The following KIAA0930 variants were observed in gnomAD, a reference collection of about 807,000 sequenced individuals.
KIAA0930 encodes uncharacterized protein KIAA0930.
In KIAA0930, 24 loss-of-function variants were observed where a neutral mutation model predicts 43.9. That is an observed-to-expected ratio of 0.55 (90% CI 0.40 to 0.77). KIAA0930 has a LOEUF of 0.77. KIAA0930 is among the 30% of genes least tolerant of loss of function. The probability of loss-of-function intolerance (pLI) is 0.00; values close to 1 mark genes in which losing one functional copy is unlikely to be tolerated. For missense variants in KIAA0930, 461 were observed against 574.2 expected (o/e 0.80, Z 2.02); for synonymous variants, 259 against 216.4 (o/e 1.20, Z -1.73).
chr22:45,211,532 G>A (rs952185827), intron 2 of KIAA0930: 13 of 445,572 alleles, frequency 2.9e-5, no homozygotes, highest in African/African-American at 2.2e-4. Flanking sequence ...TGATGGCGAG[G>A]GCTCAGTAAG....
chr22:45,210,434 C>T (rs529465795), intron 2 of KIAA0930, among the ~76,000 whole-genome samples: 7 of 152,252 alleles, frequency 4.6e-5, no homozygotes, highest in Non-Finnish European at 8.8e-5. Flanking sequence ...CACCATCCAC[C>T]CCCCTGCCAA....
At chr22:45,234,419 A>C (rs1266881204) in intron 1 of KIAA0930, among the ~76,000 whole-genome samples, 3 of 152,250 alleles carry the variant, frequency 2.0e-5, no homozygotes, top group African/African-American at 7.2e-5. Flanking sequence ...GTCTAGTCTG[A>C]GGCTGGATCC....
intron 4 of KIAA0930, 129 bp from the exon 5 acceptor site, chr22:45,205,447 G>A (rs1163825251): frequency 3.2e-6 from 3 of 923,842 alleles, no homozygotes; most frequent in Admixed American, 4.2e-5. Context: ...ACCAGGAGAT[G>A]TGGGGGATAA....
In KIAA0930 at chr22:45,192,796, C is replaced by CCCT. The variant is rs1249670348; in HGVS notation, c.*4377_*4379dup. The CCCT allele has an allele frequency of 6.6e-6, 1 of 152,248 alleles. No homozygotes were observed. The highest frequency in any genetic ancestry group is 1.5e-5 in the Non-Finnish European group (1 of 68,072). The allele number at this position is 152,248 out of a possible 1,614,324, so 9.4% of individuals were successfully genotyped here. A position where few individuals can be genotyped will look rare whatever the true frequency, so the allele number is the denominator to read the frequency against. ...CAGCTGCCTCCACTTCTGAGGCTCCCCCTGCGGGAGGAGCTCTGAACCCAG... is the reference window on the plus strand; with the variant it reads ...CAGCTGCCTCCACTTCTGAGGCTCCCCCTCCTGCGGGAGGAGCTCTGAACCCAG... On this transcript the variant is annotated 3_prime_UTR_variant, in exon 10 of 10. Coordinates refer to ENST00000336156, the MANE Select transcript of KIAA0930 (RefSeq NM_001009880.2).
intron 1 of KIAA0930, among the ~76,000 whole-genome samples, chr22:45,225,950 A>C (rs2083797118): frequency 6.6e-6 from 1 of 152,204 alleles, no homozygotes; most frequent in Non-Finnish European, 1.5e-5. Flanking sequence ...ACCTGCCTGC[A>C]AAGCCACGCT....
At chr22:45,204,062 G>T (rs1483664082) in intron 5 of KIAA0930, 77 bp from the exon 6 acceptor site, 20 of 1,587,636 alleles carry the variant, frequency 1.3e-5, no homozygotes, top group Non-Finnish European at 1.7e-5. Flanking sequence ...CCAACTGGCA[G>T]GGAGGGCTGC....
At chr22:45,235,075 C>T (rs915586930) in intron 1 of KIAA0930, among the ~76,000 whole-genome samples, 3 of 151,976 alleles carry the variant, frequency 2.0e-5, no homozygotes, top group African/African-American at 7.3e-5. Flanking sequence ...GGCTTCTTTA[C>T]AGCAGCCTAG....
intron 1 of KIAA0930, among the ~76,000 whole-genome samples, chr22:45,239,799 A>T (rs2083906128): frequency 6.6e-6 from 1 of 152,124 alleles, no homozygotes; most frequent in African/African-American, 2.4e-5. Flanking sequence ...ACAATGTGGT[A>T]TGAAGTCATT....
chr22:45,224,567 G>A (rs536988758), intron 1 of KIAA0930, among the ~76,000 whole-genome samples: 1 of 152,334 alleles, frequency 6.6e-6, no homozygotes, highest in South Asian at 2.1e-4. Context: ...AGTTAGTTTG[G>A]TCTCATGCGG....
rs888516932 is a variant in KIAA0930 at position 45,194,554 on chromosome 22, TACAA to T, written c.*2618_*2621del. ...TTCCCAGAAAAATTAAAGATGGTCT[TACAA>T]GAAGTACAAATGTGCCAACACCAGG... On this transcript the variant is annotated 3_prime_UTR_variant, in exon 10 of 10. Coordinates refer to ENST00000336156, the MANE Select transcript of KIAA0930 (RefSeq NM_001009880.2). 6.6e-6 allele frequency: 1 copy of T among 152,178 alleles called. No homozygotes were observed. Among genetic ancestry groups the T allele is most frequent in the Non-Finnish European group, 1.5e-5 (1 of 68,046 alleles). The allele number at this position is 152,178 out of a possible 1,614,324, so 9.4% of individuals were successfully genotyped here. A position where few individuals can be genotyped will look rare whatever the true frequency, so the allele number is the denominator to read the frequency against.
At chr22:45,234,301 G>C in intron 1 of KIAA0930, among the ~76,000 whole-genome samples, 1 of 151,962 alleles carries the variant, frequency 6.6e-6, no homozygotes, top group East Asian at 1.9e-4. Context: ...GGGAAGAGGG[G>C]GCCTCTGCTT....
At chr22:45,210,289 G>A (rs1452795708) in intron 2 of KIAA0930, among the ~76,000 whole-genome samples, 1 of 152,186 alleles carries the variant, frequency 6.6e-6, no homozygotes, top group African/African-American at 2.4e-5. Context: ...GGGGTCCACA[G>A]CCCTGGGACG....
At chr22:45,215,232 T>C (rs2083724361) in intron 1 of KIAA0930, among the ~76,000 whole-genome samples, 1 of 152,150 alleles carries the variant, frequency 6.6e-6, no homozygotes, top group African/African-American at 2.4e-5. Context: ...AATTAATTAA[T>C]TTAAAAAACA....
At chr22:45,226,399 G>A (rs1246076679) in intron 1 of KIAA0930, 1 of 458,842 alleles carries the variant, frequency 2.2e-6, no homozygotes, top group African/African-American at 2.0e-5. Context: ...GGACAAAGGG[G>A]AACAAACCCT....
intron 5 of KIAA0930, 98 bp from the exon 6 acceptor site, chr22:45,204,083 C>G: frequency 2.0e-6 from 3 of 1,530,776 alleles, no homozygotes; most frequent in Non-Finnish European, 2.7e-6. Context: ...TCAGAAAACC[C>G]CATTTTGCAG....
chr22:45,199,166 A>C (rs572948821), intron 8 of KIAA0930, among the ~76,000 whole-genome samples: 1 of 151,900 alleles, frequency 6.6e-6, no homozygotes, highest in Admixed American at 6.6e-5. Flanking sequence ...TGATTGTGTC[A>C]CTCCCTTGCT....
intron 8 of KIAA0930, among the ~76,000 whole-genome samples, chr22:45,199,379 C>T (rs960404804): frequency 6.6e-5 from 10 of 152,154 alleles, no homozygotes; most frequent in Non-Finnish European, 1.0e-4. Flanking sequence ...CGGGGGTAGG[C>T]TGCACGAGGT....
At chr22:45,198,727 G>A (rs750024540) in intron 8 of KIAA0930, among the ~76,000 whole-genome samples, 4 of 150,820 alleles carry the variant, frequency 2.7e-5, no homozygotes, top group Non-Finnish European at 4.4e-5. Flanking sequence ...TCGGCTCACC[G>A]CAACCTCTGC....
chr22:45,205,664 C>T lies in KIAA0930; in HGVS notation c.380G>A (p.Gly127Asp). 6.2e-7 allele frequency: 1 copy of T among 1,614,130 alleles called. No homozygotes were observed. Among genetic ancestry groups the T allele is most frequent in the Non-Finnish European group, 8.5e-7 (1 of 1,180,034 alleles). The change falls in exon 4 of 10, where the codon GGC (glycine) becomes GAC (aspartate). Residue 127 changes from glycine to aspartate, a missense_variant. Coordinates refer to ENST00000336156, the MANE Select transcript of KIAA0930 (RefSeq NM_001009880.2). ...VTCAVCTRADGGDIHIHKKKS... is the reference protein window; with the variant it reads ...VTCAVCTRADDGDIHIHKKKS... Reference sequence around the variant, plus strand: ...CTTCTTATGGATGTGAATGTCCCCGCCGTCAGCACGTGTGCACACCGCACA... The same window carrying T: ...CTTCTTATGGATGTGAATGTCCCCGTCGTCAGCACGTGTGCACACCGCACA...
Sources: allele counts gnomAD v4.1 joint callset (sites outside exome capture counted in the v4.1 genomes callset), GRCh38; gene constraint gnomAD v4.1.1; transcripts MANE v1.5; gene names NCBI Gene and HGNC (gene_info 2026-07-23, HGNC 2026-07-21).